The following ESRP1 variants were observed in gnomAD, a reference collection of about 807,000 sequenced individuals.
ESRP1 encodes RNA-binding motif protein 35A.
A neutral mutation model predicts 81.7 loss-of-function variants in ESRP1; 33 were observed. The ratio of observed to expected loss-of-function variants is 0.40; its 90% CI spans 0.31 to 0.54. The LOEUF (loss-of-function observed/expected upper bound fraction) is 0.54, where lower values mean the gene tolerates loss of function less well. Ranked by LOEUF, ESRP1 falls within the 20% of genes least tolerant of loss-of-function variation. ESRP1 has a pLI of 0.41. For synonymous variants in ESRP1, 320 were observed against 303.3 expected (o/e 1.06, Z -0.57); for missense variants, 672 against 833.1 (o/e 0.81, Z 2.38).
chr8:94,648,639 A>G (rs1275636136), intron 4 of ESRP1, among the ~76,000 whole-genome samples: 1 of 152,246 alleles, frequency 6.6e-6, no homozygotes, highest in East Asian at 1.9e-4. Context: ...TGGTTTTGCC[A>G]AGTGGACAGA....
intron 4 of ESRP1, among the ~76,000 whole-genome samples, chr8:94,649,837 T>C (rs1818028975): frequency 6.6e-6 from 1 of 152,184 alleles, no homozygotes; most frequent in African/African-American, 2.4e-5. Context: ...TAGACCAGTT[T>C]TAGGTTTAGA....
At chr8:94,651,987 CTTTTTTTTT>C (rs35903773) in intron 4 of ESRP1, among the ~76,000 whole-genome samples, 3 of 65,212 alleles carry the variant, frequency 4.6e-5, no homozygotes, top group Admixed American at 4.4e-4. Flanking sequence ...TCTAAAACGC[CTTTTTTTTT>C]TTTTTTTTTT....
chr8:94,701,733 CTG>C (rs925422989), intron 15 of ESRP1, among the ~76,000 whole-genome samples: 89 of 152,264 alleles, frequency 5.8e-4, no homozygotes, highest in African/African-American at 2.1e-3. Context: ...GCATGAGCCA[CTG>C]TGCCTGGCCA....
intron 4 of ESRP1, 172 bp downstream of exon 4, chr8:94,646,454 T>C (rs369615444): frequency 9.9e-6 from 5 of 503,530 alleles, no homozygotes; most frequent in Non-Finnish European, 7.0e-6. Flanking sequence ...TCTTTGAAAG[T>C]GGTTATAATT....
At chr8:94,663,002 A>G (rs887839299) in intron 6 of ESRP1, among the ~76,000 whole-genome samples, 2 of 152,200 alleles carry the variant, frequency 1.3e-5, no homozygotes, top group Non-Finnish European at 2.9e-5. Context: ...CTGTTCGGTC[A>G]TCTGTAAAAG....
intron 14 of ESRP1, among the ~76,000 whole-genome samples, chr8:94,696,485 T>G (rs1809610068): frequency 6.6e-6 from 1 of 152,242 alleles, no homozygotes; most frequent in Non-Finnish European, 1.5e-5. Context: ...GGGCTTATTG[T>G]ACAATCCCTT....
At chr8:94,674,184 C>T (rs1819477825) in intron 11 of ESRP1, 124 bp from the exon 12 acceptor site, 1 of 1,062,540 alleles carries the variant, frequency 9.4e-7, no homozygotes, top group African/African-American at 1.6e-5. Flanking sequence ...ACACCATCAC[C>T]CGGATTTTGT....
rs1042078645 is a variant in ESRP1, at chr8:94,641,217, C to G, written c.-102C>G. On this transcript the variant is annotated 5_prime_UTR_variant, in exon 1 of 16. Transcript: ENST00000433389. Reference sequence around the variant, plus strand: ...CAAGGAAGGGGGGTGGGCGCTCTTTCTTTTTCTCTTAGAAGAGGGTTTAGC... The same window carrying G: ...CAAGGAAGGGGGGTGGGCGCTCTTTGTTTTTCTCTTAGAAGAGGGTTTAGC... The G allele has an allele frequency of 9.2e-6, 11 of 1,201,666 alleles. No homozygotes were observed. The highest frequency in any genetic ancestry group is 5.8e-4 in the Middle Eastern group (2 of 3,464). 74.4% of individuals were successfully genotyped at this position (1,201,666 alleles called of 1,614,324 possible).
At chr8:94,679,029 G>A (rs1055522910) in intron 13 of ESRP1, among the ~76,000 whole-genome samples, 1 of 152,144 alleles carries the variant, frequency 6.6e-6, no homozygotes, top group Non-Finnish European at 1.5e-5. Context: ...ACATGCACGA[G>A]CATGTAAATG....
chr8:94,700,462 A>C (rs1284494767), intron 15 of ESRP1, among the ~76,000 whole-genome samples: 1 of 152,224 alleles, frequency 6.6e-6, no homozygotes, highest in African/African-American at 2.4e-5. Flanking sequence ...AGCTACCAGC[A>C]GCTGGAAGAG....
At chr8:94,653,908 G>A (rs1359125866) in intron 4 of ESRP1, among the ~76,000 whole-genome samples, 1 of 152,230 alleles carries the variant, frequency 6.6e-6, no homozygotes, top group Non-Finnish European at 1.5e-5. Context: ...GGCATAACAT[G>A]AGCCAAATCG....
intron 9 of ESRP1, among the ~76,000 whole-genome samples, chr8:94,667,215 CTCAAAAAAAAA>C (rs1819069143): frequency 7.7e-6 from 1 of 129,478 alleles, no homozygotes; most frequent in African/African-American, 3.3e-5. Flanking sequence ...GAAACTGTGT[CTCAAAAAAAAA>C]ACAAAAAAGA....
chr8:94,676,623 C>T (rs777113466), intron 12 of ESRP1, among the ~76,000 whole-genome samples: 2 of 151,910 alleles, frequency 1.3e-5, no homozygotes, highest in African/African-American at 2.4e-5. Flanking sequence ...CCTCAACCTC[C>T]TGAGTAGCTG....
chr8:94,675,841 A>G (rs930281900), intron 12 of ESRP1, among the ~76,000 whole-genome samples: 6 of 152,314 alleles, frequency 3.9e-5, no homozygotes, highest in Admixed American at 2.0e-4. Flanking sequence ...TTTAAAATCC[A>G]TGTGTCAGCC....
intron 13 of ESRP1, among the ~76,000 whole-genome samples, chr8:94,683,031 G>A (rs1455917565): frequency 3.9e-5 from 5 of 129,764 alleles, no homozygotes; most frequent in South Asian, 2.8e-4. Flanking sequence ...TGCAGCCTCC[G>A]CCTCCTGGGT....
At chr8:94,682,932 A>AT (rs869078492) in intron 13 of ESRP1, among the ~76,000 whole-genome samples, 355 of 18,102 alleles carry the variant, frequency 0.02, 85 homozygotes, top group Admixed American at 0.027. Flanking sequence ...ATATATATAT[A>AT]TTTTTTTTTT....
intron 3 of ESRP1, among the ~76,000 whole-genome samples, chr8:94,645,748 C>T (rs964463912): frequency 6.6e-6 from 1 of 152,116 alleles, no homozygotes. Context: ...TTAGAACTAC[C>T]CAGTTTTACA....
chr8:94,680,497 G>C (rs1586230014), intron 13 of ESRP1, among the ~76,000 whole-genome samples: 3 of 152,098 alleles, frequency 2.0e-5, no homozygotes, highest in Admixed American at 2.0e-4. Context: ...GCGTGATCTT[G>C]TCTCACCACA....
At chr8:94,651,430 C>T (rs1454400651) in intron 4 of ESRP1, among the ~76,000 whole-genome samples, 1 of 151,780 alleles carries the variant, frequency 6.6e-6, no homozygotes, top group Non-Finnish European at 1.5e-5. Flanking sequence ...ACACTAAAAC[C>T]CAAGTTGTAG....
Sources: gnomAD v4.1 joint callset for allele counts (sites outside exome capture counted in the v4.1 genomes callset) on GRCh38, gnomAD v4.1.1 for gene constraint, MANE v1.5 for transcripts, NCBI Gene and HGNC (gene_info 2026-07-23, HGNC 2026-07-21) for gene names.